ATP2B3: variants seen among roughly 807,000 people sequenced by gnomAD.
ATP2B3 encodes the protein ATPase plasma membrane Ca2+ transporting 3.
ATP2B3 carries 12 observed loss-of-function variants against 70.8 expected under a neutral mutation model. That is an observed-to-expected ratio of 0.17 (90% CI 0.11 to 0.27). ATP2B3 has a LOEUF of 0.27. Ranked by LOEUF, ATP2B3 falls within the 10% of genes least tolerant of loss-of-function variation. The pLI is 1.00. For missense variants in ATP2B3, 858 were observed against 1,118.5 expected (o/e 0.77, Z 3.32); for synonymous variants, 460 against 497.8 (o/e 0.92, Z 1.01).
rs190871733 is a variant in ATP2B3, at chrX:153,563,106, A to G, written c.3159+864A>G. Among the ~76,000 whole-genome samples the G allele has an allele frequency of 1.2e-4, 12 of 101,514 alleles. No individual in the cohort carries two copies. In the East Asian group the frequency reaches 3.9e-3, roughly 33 times the overall value. The allele number at this position is 101,514 out of a possible 115,157, so 88.2% of individuals were successfully genotyped here. A position where few individuals can be genotyped will look rare whatever the true frequency, so the allele number is the denominator to read the frequency against. On this transcript the variant is annotated intron_variant, in intron 20 of 21. Transcript: ENST00000263519. ...GACTTCAACACATGAACTGGAGAGC[A>G]CAGTTCAGTCCATAGCATTCTGGCT...
intron 2 of ATP2B3, among the ~76,000 whole-genome samples, chrX:153,523,933 T>TG (rs2089995181): frequency 9.0e-6 from 1 of 111,114 alleles, no homozygotes; most frequent in Non-Finnish European, 1.9e-5. Flanking sequence ...TCACCTCAGG[T>TG]GATCCACCCA....
At chrX:153,535,935 C>T (rs1022017387) in intron 2 of ATP2B3, among the ~76,000 whole-genome samples, 187 bp from the exon 3 acceptor site, 11 of 112,990 alleles carry the variant, frequency 9.7e-5, no homozygotes, top group Non-Finnish European at 2.1e-4. Context: ...GGGCAGGACC[C>T]GGGAGTGGCC....
chrX:153,524,091 ATTT>A (rs11340403), intron 2 of ATP2B3, among the ~76,000 whole-genome samples: 358 of 105,121 alleles, frequency 3.4e-3, no homozygotes, highest in African/African-American at 0.012. Flanking sequence ...GTTCTTTGCC[ATTT>A]TTTTTTTTCA....
At chrX:153,544,453 C>T (rs1353944762) in intron 7 of ATP2B3, among the ~76,000 whole-genome samples, 2 of 112,158 alleles carry the variant, frequency 1.8e-5, no homozygotes, top group Non-Finnish European at 3.8e-5. Flanking sequence ...CATTCAGCCC[C>T]TCCCAGGCCC....
At position 153,548,695 on chromosome X, in the gene ATP2B3, G is replaced by C. The variant is rs782006466; in HGVS notation, c.1179G>C (p.Glu393Asp). The C allele has an allele frequency of 3.3e-6, 4 of 1,211,488 alleles. No individual in the cohort carries two copies. Among genetic ancestry groups the C allele is most frequent in the East Asian group, 3.0e-5 (1 of 33,801 alleles). The change falls in exon 10 of 22, where the codon GAG becomes GAC. Residue 393 changes from glutamate to aspartate, a missense_variant. Glu to Asp is a conservative substitution (Grantham distance 45, BLOSUM62 2). Coordinates refer to ENST00000263519, the MANE Select transcript of ATP2B3 (RefSeq NM_001001344.3). Reference protein sequence around the residue: ...VIILVLYFVIETFVVEGRTWL... With the variant: ...VIILVLYFVIDTFVVEGRTWL... ...TCCTGGTCCTCTACTTTGTGATTGAGACGTTTGTCGTGGAAGGCCGGACAT... is the reference window on the plus strand; with the variant it reads ...TCCTGGTCCTCTACTTTGTGATTGACACGTTTGTCGTGGAAGGCCGGACAT...
At chrX:153,552,116 T>C (rs1412018742) in intron 12 of ATP2B3, among the ~76,000 whole-genome samples, 1 of 112,372 alleles carries the variant, frequency 8.9e-6, no homozygotes, top group African/African-American at 3.2e-5. Flanking sequence ...TGTGGGGGCC[T>C]CAGCCCTCTT....
At chrX:153,537,318 C>T (rs2090207162) in intron 3 of ATP2B3, among the ~76,000 whole-genome samples, 1 of 113,479 alleles carries the variant, frequency 8.8e-6, no homozygotes, top group Admixed American at 9.2e-5. Context: ...AGCCTAGTGC[C>T]AGGCCTGTTC....
chrX:153,527,656 C>T (rs999317557), intron 2 of ATP2B3, among the ~76,000 whole-genome samples: 1 of 112,484 alleles, frequency 8.9e-6, no homozygotes, highest in Non-Finnish European at 1.9e-5. Context: ...TTGTGAGGGC[C>T]GCCTGTGTGG....
In ATP2B3 at chrX:153,548,552, C is replaced by G. The variant is rs782811607; in HGVS notation, c.1124-88C>G. ...AGGCCTTCACAAATGCCTCCGAGACCGTGTCCATACCTCTTCTTCCCTCTT... is the reference window on the plus strand; with the variant it reads ...AGGCCTTCACAAATGCCTCCGAGACGGTGTCCATACCTCTTCTTCCCTCTT... On this transcript the variant is annotated intron_variant, in intron 9 of 21. Transcript: ENST00000263519. 2.7e-3 allele frequency: 2,268 copies of G among 846,517 alleles called. 11 individuals carry two copies. Among genetic ancestry groups the G allele is most frequent in the Non-Finnish European group, 2.2e-3 (1,316 of 589,822 alleles). The allele number at this position is 846,517 out of a possible 1,213,427, so 69.8% of individuals were successfully genotyped here.
chrX:153,570,837 C>A lies in ATP2B3; in HGVS notation c.3342+5734C>A, dbSNP rs782604307. Among the ~76,000 whole-genome samples the A allele has an allele frequency of 2.7e-5, 3 of 110,458 alleles. No homozygotes were observed. In the South Asian group the frequency reaches 1.2e-3, roughly 43 times the overall value. ...CTTTTTCCATCACAGACTCTTCCAG[C>A]TTGATTGCTTTTCTTTTCCTTTCTT... On this transcript the variant is annotated intron_variant, in intron 21 of 21. Transcript: ENST00000263519.
chrX:153,569,524 T>C (rs2090757488), intron 21 of ATP2B3: 17 of 1,108,740 alleles, frequency 1.5e-5, no homozygotes, highest in Non-Finnish European at 2.0e-5. Context: ...TGGTGGCCCC[T>C]ATCCTCGCCC....
At chrX:153,564,889 C>T (rs2090680364) in intron 20 of ATP2B3, 32 bp from the exon 21 acceptor site, 2 of 1,143,981 alleles carry the variant, frequency 1.7e-6, no homozygotes, top group Non-Finnish European at 2.3e-6. Context: ...CTCAGCCTGG[C>T]TCTCACGGCC....
rs782752200 is a variant in ATP2B3, at chrX:153,553,213, G to A, written c.2002G>A (p.Val668Met). 4.1e-5 allele frequency: 50 copies of A among 1,209,525 alleles called. No individual in the cohort carries two copies. The Admixed American group carries it at 4.4e-4, about 11-fold the overall frequency. ...CGACTGGGACAACGAGAATGAGGTC[G>A]TGGGTGACCTCACCTGCATAGCTGT... ...EPDWDNENEVVGDLTCIAVVG... is the reference protein window; with the variant it reads ...EPDWDNENEVMGDLTCIAVVG... The change falls in exon 13 of 22, where the codon GTG becomes ATG. Residue 668 changes from valine (V) to methionine (M), a missense_variant. Coordinates refer to ENST00000263519, the MANE Select transcript of ATP2B3 (RefSeq NM_001001344.3).
At position 153,548,839 on chromosome X, in the gene ATP2B3, A is replaced by G; in HGVS notation, c.1323A>G (p.Leu441=). The change falls in exon 10 of 22, where the codon TTA becomes TTG. Residue 441 remains leucine, a synonymous_variant. Coordinates refer to ENST00000263519, the MANE Select transcript of ATP2B3 (RefSeq NM_001001344.3). ...EGLPLAVTIS[L]AYSVKKMMKD... ...TGCCTCTTGCTGTCACCATCTCCTTAGCTTACTCTGTCAAGGTAATCATAA... is the reference window on the plus strand; with the variant it reads ...TGCCTCTTGCTGTCACCATCTCCTTGGCTTACTCTGTCAAGGTAATCATAA... 1 of 1,210,193 alleles carries G rather than the reference A, an allele frequency of 8.3e-7. No individual in the cohort carries two copies. The highest frequency in any genetic ancestry group is 1.1e-6 in the Non-Finnish European group (1 of 894,278).
intron 16 of ATP2B3, among the ~76,000 whole-genome samples, chrX:153,557,704 G>T (rs2090559890): frequency 9.0e-6 from 1 of 111,557 alleles, no homozygotes; most frequent in Non-Finnish European, 1.9e-5. Flanking sequence ...CCTCTGCAAG[G>T]AGCCGCCCCG....
chrX:153,558,554 G>GCT (rs1233589231), intron 17 of ATP2B3, among the ~76,000 whole-genome samples: 3 of 112,282 alleles, frequency 2.7e-5, no homozygotes, highest in Non-Finnish European at 5.6e-5. Flanking sequence ...GAAACCCTGT[G>GCT]CTCTTGAGCA....
intron 8 of ATP2B3, among the ~76,000 whole-genome samples, chrX:153,547,520 G>A (rs1339825751): frequency 1.8e-5 from 2 of 111,340 alleles, no homozygotes; most frequent in Non-Finnish European, 3.8e-5. Context: ...CTGCTCTCAG[G>A]TATTATTTGG....
At chrX:153,572,168 T>C (rs1267201564) in intron 21 of ATP2B3, among the ~76,000 whole-genome samples, 1 of 112,668 alleles carries the variant, frequency 8.9e-6, no homozygotes, top group East Asian at 2.8e-4. Context: ...GCGCCCACCC[T>C]CTACTTGGAA....
At chrX:153,557,882 G>GCGC (rs1557014472) in intron 16 of ATP2B3, among the ~76,000 whole-genome samples, 33,181 of 87,085 alleles carry the variant, frequency 0.38, 5,859 homozygotes, top group East Asian at 0.56. Flanking sequence ...TATGAGCAAA[G>GCGC]CCCCCCCCCC....
Sources: allele counts gnomAD v4.1 joint callset (sites outside exome capture counted in the v4.1 genomes callset), GRCh38; gene constraint gnomAD v4.1.1; transcripts MANE v1.5; gene names NCBI Gene and HGNC (gene_info 2026-07-23, HGNC 2026-07-21).